Variants in TMEM219 observed in about 807,000 individuals in gnomAD.
TMEM219 encodes the protein insulin-like growth factor-binding protein 3 receptor.
In TMEM219, 18 loss-of-function variants were observed where a neutral mutation model predicts 17.9. The ratio of observed to expected loss-of-function variants is 1.01; its 90% confidence interval spans 0.70 to 1.49. TMEM219 has a LOEUF of 1.49. Ranked by LOEUF, TMEM219 falls within the 40% of genes most tolerant of loss-of-function variation. TMEM219 has a pLI of 0.00. For missense variants in TMEM219, 288 were observed against 292.4 expected, an observed-to-expected ratio of 0.99 and a Z score of 0.11; for synonymous variants, 113 against 124.0, an observed-to-expected ratio of 0.91 and a Z score of 0.59.
chr16:29,964,850 G>A (rs1567460583), intron 3 of TMEM219, among the ~76,000 whole-genome samples: 1 of 152,168 alleles, frequency 6.6e-6, no homozygotes, highest in Non-Finnish European at 1.5e-5. Flanking sequence ...TGCCGACAGG[G>A]TAGGTTTTCT....
Position 29,963,167 on chromosome 16 carries a change from C to G in TMEM219, c.24C>G (p.His8Gln). 2 of 1,613,062 alleles carry G rather than the reference C, an allele frequency of 1.2e-6. No individual in the cohort carries two copies. Among genetic ancestry groups the G allele is most frequent in the Non-Finnish European group, 1.7e-6 (2 of 1,180,048 alleles). Residue 8 changes from histidine (H) to glutamine (Q), a missense_variant, in exon 2 of 6, where the codon CAC (histidine) becomes CAG (glutamine). Coordinates refer to ENST00000279396, the MANE Select transcript of TMEM219 (RefSeq NM_001083613.2). MGNCQAG[H>Q]NLHLCLAHHP... ...CCATGGGCAACTGCCAGGCAGGGCA[C>G]AACCTGCACCTGTGTCTGGCCCACC...
rs2069238126 is a variant in TMEM219, at chr16:29,968,163, C to A, written c.494C>A (p.Ala165Asp). Reference protein sequence around the residue: ...QPPISCSEEGAGNATLSPRMG... With the variant: ...QPPISCSEEGDGNATLSPRMG... The stretch of plus-strand genomic sequence containing the variant: ...CCCATATCCTGCTCAGAGGAGGGGG[C>A]TGGAAATGCCACCCTGAGCCCTAGA... Residue 165 changes from alanine (A) to aspartate (D), a missense_variant, in exon 4 of 6, where the codon GCT (alanine) becomes GAT (aspartate). Physicochemically the swap from Ala to Asp is moderately radical, Grantham distance 126. Transcript: ENST00000279396. 6.2e-7 allele frequency: 1 copy of A among 1,614,038 alleles called. No homozygotes were observed. Among genetic ancestry groups the A allele is most frequent in the Admixed American group, 1.7e-5 (1 of 59,994 alleles).
intron 3 of TMEM219, among the ~76,000 whole-genome samples, chr16:29,965,981 C>A (rs1222061807): frequency 2.6e-5 from 4 of 152,074 alleles, no homozygotes; most frequent in Admixed American, 6.5e-5. Context: ...ATGATCCGCC[C>A]GCCTTGGCCT....
chr16:29,962,237 A>T (rs541685603), intron 1 of TMEM219, 105 bp downstream of exon 1: 1 of 152,178 alleles, frequency 6.6e-6, no homozygotes, highest in Admixed American at 6.5e-5. Flanking sequence ...GCTCAGGTGC[A>T]CCAGCGGCGG....
chr16:29,963,128 G>GC lies in TMEM219; in HGVS notation c.-11dup, dbSNP rs778440978. On this transcript the variant is annotated 5_prime_UTR_variant, in exon 2 of 6. Coordinates refer to ENST00000279396, the MANE Select transcript of TMEM219 (RefSeq NM_001083613.2). ...CCAGCAGGCTCTCCCCGGAGGCTCA[G>GC]CCCCCTCTGCTCCCCATGGGCAACT... The GC allele has an allele frequency of 3.7e-6, 6 of 1,608,616 alleles. No homozygotes were observed. In the Admixed American group the frequency reaches 8.3e-5, roughly 22 times the overall value.
chr16:29,971,033 T>C (rs1420481049), intron 4 of TMEM219, among the ~76,000 whole-genome samples: 1 of 150,074 alleles, frequency 6.7e-6, no homozygotes, highest in African/African-American at 2.5e-5. Context: ...GATCATGAGG[T>C]CAGGAGATCA....
intron 3 of TMEM219, among the ~76,000 whole-genome samples, chr16:29,967,602 C>G (rs951749062): frequency 2.0e-5 from 3 of 151,950 alleles, no homozygotes; most frequent in Admixed American, 6.6e-5. Flanking sequence ...CAAAGTGAGA[C>G]CCCATCTCAA....
At chr16:29,962,473 CCCTA>C in intron 1 of TMEM219, among the ~76,000 whole-genome samples, 1 of 152,240 alleles carries the variant, frequency 6.6e-6, no homozygotes, top group African/African-American at 2.4e-5. Flanking sequence ...CAGATCTTGG[CCCTA>C]CCCCTCCTGT....
chr16:29,962,828 C>T, intron 1 of TMEM219: 1 of 367,710 alleles, frequency 2.7e-6, no homozygotes, highest in Non-Finnish European at 5.1e-6. Flanking sequence ...CAGAACAGTG[C>T]TTCCTGTTTC....
chr16:29,970,105 G>A (rs1174847341), intron 4 of TMEM219, among the ~76,000 whole-genome samples: 1 of 151,260 alleles, frequency 6.6e-6, no homozygotes, highest in Non-Finnish European at 1.5e-5. Flanking sequence ...GTTGTGGCGG[G>A]CGTCTGTGAT....
chr16:29,969,192 CTTTTTTT>C (rs1197231032), intron 4 of TMEM219, among the ~76,000 whole-genome samples: 10 of 122,990 alleles, frequency 8.1e-5, no homozygotes, highest in South Asian at 2.7e-4. Flanking sequence ...TTCTTTTTCG[CTTTTTTT>C]TTTTTTTTTT....
intron 5 of TMEM219, among the ~76,000 whole-genome samples, chr16:29,972,598 A>G (rs2069314373): frequency 6.6e-6 from 1 of 152,162 alleles, no homozygotes. Context: ...GTGCCCTAGG[A>G]AGTTACTATG....
Position 29,968,021 on chromosome 16 carries a change from A to T in TMEM219, c.356-4A>T. On this transcript the variant is annotated splice_region_variant and splice_polypyrimidine_tract_variant and intron_variant, in intron 3 of 5. Coordinates refer to ENST00000279396, the MANE Select transcript of TMEM219 (RefSeq NM_001083613.2). Reference sequence around the variant, plus strand: ...TTCCATTTTCTCTTCTGTGCCTTTCACAGGATCTTCTGCAGGACAACTGGT... The same window carrying T: ...TTCCATTTTCTCTTCTGTGCCTTTCTCAGGATCTTCTGCAGGACAACTGGT... The T allele has an allele frequency of 6.2e-7, 1 of 1,611,150 alleles. No individual in the cohort carries two copies. The highest frequency in any genetic ancestry group is 8.5e-7 in the Non-Finnish European group (1 of 1,177,448).
At chr16:29,964,619 C>G (rs2069189145) in intron 3 of TMEM219, among the ~76,000 whole-genome samples, 1 of 152,128 alleles carries the variant, frequency 6.6e-6, no homozygotes, top group Non-Finnish European at 1.5e-5. Flanking sequence ...AGAGATCACA[C>G]CACTGCACTC....
chr16:29,967,565 C>T (rs1290096247), intron 3 of TMEM219, among the ~76,000 whole-genome samples: 1 of 152,160 alleles, frequency 6.6e-6, no homozygotes, highest in East Asian at 1.9e-4. Flanking sequence ...GAGCTGGGAT[C>T]GTGCCACTGC....
chr16:29,968,320 C>A, intron 4 of TMEM219, 66 bp downstream of exon 4: 2 of 1,335,004 alleles, frequency 1.5e-6, no homozygotes, highest in Non-Finnish European at 2.1e-6. Flanking sequence ...TCTTGAAGGT[C>A]CCTGGAAACA....
chr16:29,962,195 C>G (rs934765802), intron 1 of TMEM219, 63 bp downstream of exon 1: 1 of 152,138 alleles, frequency 6.6e-6, no homozygotes, highest in African/African-American at 2.4e-5. Context: ...GCGTTGCAAT[C>G]GTTCGGGGCG....
chr16:29,970,666 T>G (rs900118409), intron 4 of TMEM219, among the ~76,000 whole-genome samples: 1 of 152,008 alleles, frequency 6.6e-6, no homozygotes. Context: ...AAGTTTCCTA[T>G]CTCATGGAGT....
At chr16:29,972,292 A>G (rs2150869229) in intron 5 of TMEM219, among the ~76,000 whole-genome samples, 1 of 152,314 alleles carries the variant, frequency 6.6e-6, no homozygotes, top group South Asian at 2.1e-4. Context: ...GATGATACTC[A>G]TTTACTGGGG....
Sources: gnomAD v4.1 joint callset for allele counts (sites outside exome capture counted in the v4.1 genomes callset) on GRCh38, gnomAD v4.1.1 for gene constraint, MANE v1.5 for transcripts, NCBI Gene and HGNC (gene_info 2026-07-23, HGNC 2026-07-21) for gene names.